THUMPD2: variants seen among roughly 807,000 people sequenced by gnomAD.
THUMPD2 encodes the protein U6 snRNA (guanine-N(2))-methyltransferase THUMPD2.
Under a neutral mutation model 49.4 loss-of-function variants are expected in THUMPD2, and 56 were observed. That is an observed-to-expected ratio of 1.13 (90% confidence interval 0.91 to 1.41). The LOEUF (loss-of-function observed/expected upper bound fraction) is 1.41, where lower values mean the gene tolerates loss of function less well. THUMPD2 is among the 40% of genes most tolerant of loss of function. The probability of loss-of-function intolerance (pLI) is 0.00; values close to 1 mark genes in which losing one functional copy is unlikely to be tolerated. For synonymous variants in THUMPD2, 237 were observed against 205.2 expected (o/e 1.15, Z -1.32); for missense variants, 709 against 594.5 (o/e 1.19, Z -2.00).
intron 1 of THUMPD2, among the ~76,000 whole-genome samples, chr2:39,772,303 T>C (rs570400382): frequency 3.9e-5 from 6 of 152,198 alleles, no homozygotes; most frequent in Non-Finnish European, 5.9e-5. Flanking sequence ...GCTTGACAAA[T>C]GGTCATGAAA....
chr2:39,770,099 G>C lies in THUMPD2; in HGVS notation c.283C>G (p.Gln95Glu), dbSNP rs753724385. 1.3e-6 allele frequency: 2 copies of C among 1,497,944 alleles called. No individual in the cohort carries two copies. Among genetic ancestry groups the C allele is most frequent in the Non-Finnish European group, 1.8e-6 (2 of 1,133,522 alleles). The allele number at this position is 1,497,944 out of a possible 1,614,324, so 92.8% of individuals were successfully genotyped here. A position where few individuals can be genotyped will look rare whatever the true frequency, so the allele number is the denominator to read the frequency against. ...CCTGGATCTTCATTTATAAGTCTTT[G>C]CATTTCATTAAATATTTTTCCTAAA... ...VSKGKIFNEM[Q>E]RLINEDPGSW... The change falls in exon 3 of 10, where the codon CAA (glutamine) becomes GAA (glutamate). Residue 95 changes from glutamine (Q) to glutamate (E), a missense_variant. Transcript: ENST00000505747.
intron 8 of THUMPD2, 37 bp downstream of exon 8, chr2:39,755,258 T>C: frequency 7.7e-7 from 1 of 1,296,134 alleles, no homozygotes; most frequent in Non-Finnish European, 1.1e-6. Context: ...TTTACATTGT[T>C]CCTTTTCTCA....
intron 5 of THUMPD2, among the ~76,000 whole-genome samples, chr2:39,764,760 C>G (rs1677284827): frequency 6.6e-6 from 1 of 152,110 alleles, no homozygotes; most frequent in Non-Finnish European, 1.5e-5. Context: ...TTCTTTTTAG[C>G]CAACACTCAT....
intron 9 of THUMPD2, among the ~76,000 whole-genome samples, chr2:39,742,984 G>A (rs1674105330): frequency 6.6e-6 from 1 of 152,148 alleles, no homozygotes; most frequent in Non-Finnish European, 1.5e-5. Context: ...CAAGAGTTAG[G>A]CAACTGGGTA....
At chr2:39,774,798 A>G (rs1558545306) in intron 1 of THUMPD2, among the ~76,000 whole-genome samples, 3 of 152,140 alleles carry the variant, frequency 2.0e-5, no homozygotes. Context: ...TATATATACA[A>G]TCTGTTTTTT....
intron 6 of THUMPD2, 66 bp downstream of exon 6, chr2:39,761,265 A>G: frequency 1.5e-6 from 2 of 1,375,526 alleles, no homozygotes; most frequent in Non-Finnish European, 2.1e-6. Flanking sequence ...TCCATCAATA[A>G]GAGACTGTAT....
chr2:39,753,968 A>G (rs1459770949), intron 8 of THUMPD2, among the ~76,000 whole-genome samples: 1 of 152,178 alleles, frequency 6.6e-6, no homozygotes, highest in Non-Finnish European at 1.5e-5. Flanking sequence ...GCACACACAC[A>G]CAAACAGTGG....
At chr2:39,751,047 G>A (rs571197809) in intron 8 of THUMPD2, among the ~76,000 whole-genome samples, 2 of 152,222 alleles carry the variant, frequency 1.3e-5, no homozygotes, top group Non-Finnish European at 2.9e-5. Context: ...TACTCTCTAT[G>A]TTGAACTTAT....
At chr2:39,749,780 CTG>C (rs1491349498) in intron 8 of THUMPD2, among the ~76,000 whole-genome samples, 2 of 152,012 alleles carry the variant, frequency 1.3e-5, no homozygotes, top group Non-Finnish European at 2.9e-5. Flanking sequence ...TGACAGACCC[CTG>C]TGTGTGTTGT....
chr2:39,757,145 G>C, intron 6 of THUMPD2: 1 of 340,010 alleles, frequency 2.9e-6, no homozygotes, highest in Non-Finnish European at 5.8e-6. Context: ...AACTCTGACT[G>C]GGGTGATCTG....
intron 6 of THUMPD2, among the ~76,000 whole-genome samples, chr2:39,756,676 T>C (rs1676172050): frequency 6.6e-6 from 1 of 151,996 alleles, no homozygotes. Context: ...GATTCCTGAA[T>C]ACAAATTATC....
chr2:39,779,153 G>C lies in THUMPD2; in HGVS notation c.87C>G (p.Phe29Leu), dbSNP rs1679527983. ...GCCGCGCCCGCACCTCTCGCATTAC[G>C]AACGGCTCCAGGCCGCGACCCGCAG... ...FCTAGRGLEPFVMREVRARLA... is the reference protein window; with the variant it reads ...FCTAGRGLEPLVMREVRARLA... Residue 29 changes from phenylalanine to leucine, a missense_variant, in exon 1 of 10, where the codon TTC becomes TTG. Transcript: ENST00000505747. 1 of 1,519,784 alleles carries C rather than the reference G, an allele frequency of 6.6e-7. No homozygotes were observed. Among genetic ancestry groups the C allele is most frequent in the Non-Finnish European group, 8.8e-7 (1 of 1,139,508 alleles). 94.1% of individuals were successfully genotyped at this position (1,519,784 alleles called of 1,614,324 possible). A position where few individuals can be genotyped will look rare whatever the true frequency, so the allele number is the denominator to read the frequency against.
chr2:39,744,663 G>A lies in THUMPD2; in HGVS notation c.1079-185C>T, dbSNP rs1203255097. 1.2e-5 allele frequency: 5 copies of A among 431,102 alleles called. No homozygotes were observed. The East Asian group carries it at 1.7e-4, about 14-fold the overall frequency. 26.7% of individuals were successfully genotyped at this position (431,102 alleles called of 1,614,324 possible). ...TCACAATCACTAATGATAAATGATA[G>A]TTATTGTATTCTGTTCGTTGAAAAT... On this transcript the variant is annotated intron_variant, in intron 8 of 9. Transcript: ENST00000505747.
At chr2:39,738,686 TAC>T in intron 9 of THUMPD2, among the ~76,000 whole-genome samples, 1 of 148,064 alleles carries the variant, frequency 6.8e-6, no homozygotes, top group Non-Finnish European at 1.5e-5. Flanking sequence ...TACACATATA[TAC>T]ATATATAAAT....
chr2:39,761,563 T>C (rs3732122), intron 5 of THUMPD2, 145 bp from the exon 6 acceptor site: 356,277 of 713,426 alleles, frequency 0.5, 92,806 homozygotes, highest in East Asian at 0.74. Context: ...AATGTTTCAG[T>C]CTTATTACAA....
chr2:39,770,245 A>G (rs182691511), intron 2 of THUMPD2, 126 bp from the exon 3 acceptor site: 136 of 633,308 alleles, frequency 2.1e-4, no homozygotes, highest in Admixed American at 2.8e-4. Context: ...TACACGAATA[A>G]CTTCACTTTC....
In THUMPD2 at chr2:39,755,940, A is replaced by G; in HGVS notation, c.912T>C (p.Asp304=). Residue 304 remains aspartate (D), a synonymous_variant, in exon 7 of 10, where the codon GAT becomes GAC. Transcript: ENST00000505747. ...ADIKAGAFVL[D]PMCGLGTILL... The stretch of plus-strand genomic sequence containing the variant: ...GTATTGTTCCAAGTCCACACATTGG[A>G]TCTAAAACAAATGCACCAGCCTGCA... 6.2e-7 allele frequency: 1 copy of G among 1,613,818 alleles called. No homozygotes were observed.
Position 39,771,538 on chromosome 2 carries a change from G to A in THUMPD2, c.229C>T (p.Gln77Ter), listed in dbSNP as rs1039908808. The A allele has an allele frequency of 5.0e-6, 8 of 1,607,082 alleles. No homozygotes were observed. Among genetic ancestry groups the A allele is most frequent in the Non-Finnish European group, 5.9e-6 (7 of 1,178,028 alleles). ...ACAGAAGAAATAATAAGTGGAAACT[G>A]CTTTTTAATCAGCAAAAATAATCTT... The part of the protein sequence containing the change: ...AERLFLLIKK[Q>*]FPLIISSVSK... The change falls in exon 2 of 10, where the codon CAG becomes TAG. Residue 77 changes from glutamine (Q) to a stop codon, truncating the protein, a stop_gained. Transcript: ENST00000505747. LOFTEE classifies it high-confidence loss of function.
intron 9 of THUMPD2, among the ~76,000 whole-genome samples, chr2:39,743,380 C>A (rs910307559): frequency 6.6e-6 from 1 of 152,232 alleles, no homozygotes; most frequent in African/African-American, 2.4e-5. Flanking sequence ...AATGCTTCCA[C>A]TGAATTATAT....
Sources: allele counts gnomAD v4.1 joint callset (sites outside exome capture counted in the v4.1 genomes callset), GRCh38; gene constraint gnomAD v4.1.1; transcripts MANE v1.5; gene names NCBI Gene and HGNC (gene_info 2026-07-23, HGNC 2026-07-21).